Variants in RBFOX1 observed in about 807,000 individuals in gnomAD.
RBFOX1 encodes RNA binding protein fox-1 homolog 1.
A neutral mutation model predicts 57.7 loss-of-function variants in RBFOX1; 8 were observed. The observed-to-expected ratio is 0.14, with a 90% CI of 0.08 to 0.25. The LOEUF (loss-of-function observed/expected upper bound fraction) is 0.25, where lower values mean the gene tolerates loss of function less well. RBFOX1 is among the 10% of genes least tolerant of loss of function. The pLI is 1.00. For missense variants in RBFOX1, 611 were observed against 548.5 expected (o/e 1.11, Z -1.14); for synonymous variants, 326 against 222.4 (o/e 1.47, Z -4.15).
chr16:6,896,946 C>G (rs752543646), intron 3 of RBFOX1, among the ~76,000 whole-genome samples: 2 of 152,170 alleles, frequency 1.3e-5, no homozygotes, highest in African/African-American at 2.4e-5. Context: ...AACTCTGCCA[C>G]AACTCAGAAT....
intron 3 of RBFOX1, among the ~76,000 whole-genome samples, chr16:5,855,872 T>C (rs1189024280): frequency 6.6e-6 from 1 of 151,764 alleles, no homozygotes; most frequent in Non-Finnish European, 1.5e-5. Flanking sequence ...TCTTTGCATT[T>C]ATCTGTCTTA....
intron 4 of RBFOX1, among the ~76,000 whole-genome samples, chr16:7,137,851 T>G (rs1003853956): frequency 1.3e-5 from 2 of 152,236 alleles, no homozygotes; most frequent in Non-Finnish European, 2.9e-5. Flanking sequence ...ACTACATGTT[T>G]TGGCTGATTT....
At chr16:5,791,741 T>G in intron 3 of RBFOX1, among the ~76,000 whole-genome samples, 1 of 152,208 alleles carries the variant, frequency 6.6e-6, no homozygotes, top group East Asian at 1.9e-4. Context: ...CCTCACATGT[T>G]GGACATCATG....
At chr16:7,046,331 G>A (rs944204503) in intron 3 of RBFOX1, among the ~76,000 whole-genome samples, 9 of 151,090 alleles carry the variant, frequency 6.0e-5, no homozygotes, top group African/African-American at 2.2e-4. Flanking sequence ...TTTCTTAAAG[G>A]TTGTGTTATA....
intron 4 of RBFOX1, among the ~76,000 whole-genome samples, chr16:7,073,947 T>G (rs1243456728): frequency 2.6e-5 from 4 of 152,208 alleles, no homozygotes; most frequent in Non-Finnish European, 5.9e-5. Flanking sequence ...AGCCACAGTT[T>G]ATGAGACAGC....
At chr16:7,710,524 T>C in intron 15 of RBFOX1, 99 bp from the exon 16 acceptor site, 1 of 1,571,590 alleles carries the variant, frequency 6.4e-7, no homozygotes, top group Non-Finnish European at 8.6e-7. Flanking sequence ...CCATTTCGGT[T>C]GGTTTTGAGT....
chr16:6,816,029 G>A (rs148484691), intron 3 of RBFOX1, among the ~76,000 whole-genome samples: 7 of 152,194 alleles, frequency 4.6e-5, no homozygotes, highest in Admixed American at 1.3e-4. Flanking sequence ...AAAAATAATC[G>A]GCCAGGAGCA....
At chr16:6,965,276 T>A (rs1203235648) in intron 3 of RBFOX1, among the ~76,000 whole-genome samples, 2 of 151,980 alleles carry the variant, frequency 1.3e-5, no homozygotes, top group Non-Finnish European at 2.9e-5. Flanking sequence ...AGGACTAGAA[T>A]GACCAAACAT....
intron 2 of RBFOX1, among the ~76,000 whole-genome samples, chr16:5,539,350 T>C (rs572980856): frequency 1.3e-5 from 2 of 151,786 alleles, no homozygotes; most frequent in African/African-American, 4.8e-5. Flanking sequence ...CCCAGCACTT[T>C]GGGAGGCTGA....
chr16:6,857,051 A>G (rs1336473327), intron 3 of RBFOX1, among the ~76,000 whole-genome samples: 4 of 152,172 alleles, frequency 2.6e-5, no homozygotes, highest in Non-Finnish European at 4.4e-5. Context: ...GTTCAACCCC[A>G]CATCATTGCT....
At chr16:6,758,519 T>A (rs189065686) in intron 3 of RBFOX1, among the ~76,000 whole-genome samples, 3 of 152,180 alleles carry the variant, frequency 2.0e-5, no homozygotes, top group Non-Finnish European at 4.4e-5. Context: ...CTAGAATACA[T>A]TAGAGCAATT....
intron 1 of RBFOX1, among the ~76,000 whole-genome samples, chr16:5,376,848 T>C (rs2065996972): frequency 6.6e-6 from 1 of 151,668 alleles, no homozygotes; most frequent in Admixed American, 6.5e-5. Context: ...TGTTGCCCCA[T>C]GGCAGGGGGA....
intron 1 of RBFOX1, among the ~76,000 whole-genome samples, chr16:6,146,102 A>T (rs150521708): frequency 2.8e-4 from 43 of 152,288 alleles, no homozygotes; most frequent in African/African-American, 1.0e-3. Context: ...GTGCTTACGT[A>T]GCCTGAAGCA....
rs527395117 is a variant in RBFOX1, at chr16:7,446,743, C to T, written c.28-71404C>T. ...TTTTCTCTTACTAAAGAAGACCCTCCACTGTCAACTTAAGCTCACGTTTTC... is the reference window on the plus strand; with the variant it reads ...TTTTCTCTTACTAAAGAAGACCCTCTACTGTCAACTTAAGCTCACGTTTTC... On this transcript the variant is annotated intron_variant, in intron 4 of 15. Coordinates refer to ENST00000550418, the MANE Select transcript of RBFOX1 (RefSeq NM_018723.4). 3.3e-5 allele frequency among the ~76,000 whole-genome samples: 5 copies of T among 151,776 alleles called. No individual in the cohort carries two copies. In the South Asian group the frequency reaches 1.0e-3, roughly 32 times the overall value.
chr16:5,257,574 C>A (rs9937752), intron 1 of RBFOX1, among the ~76,000 whole-genome samples: 50,377 of 151,832 alleles, frequency 0.33, 8,494 homozygotes, highest in African/African-American at 0.41. Flanking sequence ...GATTCTCATG[C>A]AGCCAGCCTG....
chr16:6,898,760 C>A (rs190810712), intron 3 of RBFOX1, among the ~76,000 whole-genome samples: 1 of 151,492 alleles, frequency 6.6e-6, no homozygotes, highest in African/African-American at 2.4e-5. Context: ...ATATATAATA[C>A]GTGTATGCAC....
intron 1 of RBFOX1, among the ~76,000 whole-genome samples, chr16:6,134,497 C>T (rs544372381): frequency 6.6e-6 from 1 of 152,056 alleles, no homozygotes; most frequent in African/African-American, 2.4e-5. Flanking sequence ...AGTAAATCTG[C>T]CTGATCCTGT....
intron 2 of RBFOX1, among the ~76,000 whole-genome samples, chr16:6,586,578 A>G (rs1348098161): frequency 6.6e-6 from 1 of 152,204 alleles, no homozygotes; most frequent in Admixed American, 6.5e-5. Flanking sequence ...CTGAATCAAG[A>G]TGATCAGATG....
intron 1 of RBFOX1, among the ~76,000 whole-genome samples, chr16:5,369,756 A>T (rs1022179302): frequency 6.6e-6 from 1 of 151,946 alleles, no homozygotes; most frequent in Admixed American, 6.6e-5. Context: ...CTTCCCTTAT[A>T]CCTCACCTGC....
Sources: allele counts gnomAD v4.1 joint callset (sites outside exome capture counted in the v4.1 genomes callset), GRCh38; gene constraint gnomAD v4.1.1; transcripts MANE v1.5; gene names NCBI Gene and HGNC (gene_info 2026-07-23, HGNC 2026-07-21).